The following WNK1 variants were observed in gnomAD, a reference collection of about 807,000 sequenced individuals.
WNK1 encodes serine/threonine-protein kinase WNK1.
In WNK1, 38 loss-of-function variants were observed where a neutral mutation model predicts 222.8. The ratio of observed to expected loss-of-function variants is 0.17; its 90% CI spans 0.13 to 0.22. The LOEUF (loss-of-function observed/expected upper bound fraction) is 0.22, where lower values mean the gene tolerates loss of function less well. Ranked by LOEUF, WNK1 falls within the 10% of genes least tolerant of loss-of-function variation. The pLI is 1.00. For synonymous variants in WNK1, 1,090 were observed against 1,092.9 expected (o/e 1.00, Z 0.05); for missense variants, 2,348 against 2,918.4 (o/e 0.80, Z 4.50).
intron 22 of WNK1, among the ~76,000 whole-genome samples, chr12:891,894 C>T (rs1434105496): frequency 6.6e-6 from 1 of 151,494 alleles, no homozygotes; most frequent in African/African-American, 2.4e-5. Flanking sequence ...TGCCACTGCA[C>T]TCCATCCTAG....
At chr12:854,696 A>G (rs1328559665) in intron 4 of WNK1, among the ~76,000 whole-genome samples, 1 of 152,164 alleles carries the variant, frequency 6.6e-6, no homozygotes, top group Admixed American at 6.6e-5. Flanking sequence ...TTATATGTTT[A>G]TTGTAGAAAA....
Position 868,039 on chromosome 12 carries a change from C to G in WNK1, c.2140-3226C>G, listed in dbSNP as rs767616683. On this transcript the variant is annotated intron_variant, in intron 8 of 27. Coordinates refer to ENST00000315939, the MANE Select transcript of WNK1 (RefSeq NM_018979.4). The stretch of plus-strand genomic sequence containing the variant: ...CCTCCTTCCTGGAAGCCCAAACTCA[C>G]CACTTCCAACCCCTGCTGAGGACTG... 1.8e-5 allele frequency: 29 copies of G among 1,613,882 alleles called. No homozygotes were observed. Among genetic ancestry groups the G allele is most frequent in the Non-Finnish European group, 2.3e-5 (27 of 1,179,896 alleles).
Position 764,821 on chromosome 12 carries a change from A to G in WNK1, c.759+10497A>G, listed in dbSNP as rs942763133. On this transcript the variant is annotated intron_variant, in intron 1 of 27. Transcript: ENST00000315939. ...CACTGGTAATGCCCTAGATTTCTGC[A>G]CTGTTCACTATCTAATACAATATCC... Among the ~76,000 whole-genome samples the G allele has an allele frequency of 5.4e-5, 8 of 147,346 alleles. 1 individual carries two copies. The highest frequency in any genetic ancestry group is 9.1e-5 in the Non-Finnish European group (6 of 65,898).
In WNK1 at chr12:909,275, TTTTA is replaced by T. The variant is rs144238789; in HGVS notation, c.*487_*490del. On this transcript the variant is annotated 3_prime_UTR_variant, in exon 28 of 28. Coordinates refer to ENST00000315939, the MANE Select transcript of WNK1 (RefSeq NM_018979.4). The stretch of plus-strand genomic sequence containing the variant: ...CCTCCCTTTTTTTTACCCCTCTCTT[TTTTA>T]TTTTTTCTTTGCTCTTTAGAACCCA... The T allele has an allele frequency of 8.6e-3, 1,449 of 167,542 alleles. 11 individuals are homozygous for T. The highest frequency in any genetic ancestry group is 0.012 in the Non-Finnish European group (898 of 76,614). The allele number at this position is 167,542 out of a possible 1,614,324, so 10.4% of individuals were successfully genotyped here. A position where few individuals can be genotyped will look rare whatever the true frequency, so the allele number is the denominator to read the frequency against.
At chr12:881,531 A>T in intron 12 of WNK1, 161 bp from the exon 13 acceptor site, 1 of 686,582 alleles carries the variant, frequency 1.5e-6, no homozygotes, top group Non-Finnish European at 2.6e-6. Flanking sequence ...TGGAATTTTA[A>T]GACCATTATC....
At chr12:851,836 A>T in intron 4 of WNK1, 2 of 1,242,156 alleles carry the variant, frequency 1.6e-6, no homozygotes, top group Non-Finnish European at 2.1e-6. Flanking sequence ...CTTTTTGGTG[A>T]TATTGGTAGA....
intron 1 of WNK1, among the ~76,000 whole-genome samples, chr12:799,936 C>T (rs1356945874): frequency 1.3e-5 from 2 of 151,710 alleles, no homozygotes; most frequent in Non-Finnish European, 2.9e-5. Flanking sequence ...CCACCTGCCT[C>T]GGCCTCCCAA....
In WNK1 at chr12:759,872, G is replaced by C. The variant is rs1457628506; in HGVS notation, c.759+5548G>C. 1.4e-5 allele frequency among the ~76,000 whole-genome samples: 2 copies of C among 148,034 alleles called. 1 individual carries two copies. The highest frequency in any genetic ancestry group is 3.0e-5 in the Non-Finnish European group (2 of 66,228). ...TTTTATAGAGTTGTGCTGATTAAAT[G>C]AATGAACATATATAAAACATGTAGG... On this transcript the variant is annotated intron_variant, in intron 1 of 27. Coordinates refer to ENST00000315939, the MANE Select transcript of WNK1 (RefSeq NM_018979.4).
At chr12:844,517 T>C (rs953780111) in intron 4 of WNK1, among the ~76,000 whole-genome samples, 1 of 152,156 alleles carries the variant, frequency 6.6e-6, no homozygotes, top group Non-Finnish European at 1.5e-5. Context: ...GTAAGTCCAT[T>C]GGAACTGTGC....
chr12:817,826 G>A (rs1168238639), intron 2 of WNK1, among the ~76,000 whole-genome samples: 1 of 76,832 alleles, frequency 1.3e-5, no homozygotes, highest in East Asian at 8.7e-4. Flanking sequence ...GATGGCGGGC[G>A]CCTGTAATCC....
rs1313144426 is a variant in WNK1, at chr12:816,529, C to T, written c.932+2715C>T. Among the ~76,000 whole-genome samples the T allele has an allele frequency of 1.3e-5, 2 of 152,056 alleles. 1 individual carries two copies. The highest frequency in any genetic ancestry group is 4.8e-5 in the African/African-American group (2 of 41,406). On this transcript the variant is annotated intron_variant, in intron 2 of 27. Transcript: ENST00000315939. The stretch of plus-strand genomic sequence containing the variant: ...TCCTGAGCTCATCCTGATTTGGCCT[C>T]ATCCCGATTTGACCTCCCAAACTGC...
chr12:835,965 A>T lies in WNK1; in HGVS notation c.1311+5805A>T, dbSNP rs536538522. Among the ~76,000 whole-genome samples, 38 of 152,192 alleles carry T rather than the reference A, an allele frequency of 2.5e-4. No homozygotes were observed. The South Asian group carries it at 7.7e-3, about 31-fold the overall frequency. On this transcript the variant is annotated intron_variant, in intron 4 of 27. Transcript: ENST00000315939. ...AGACTTGGTCTAAAAAAAAAAAAAAATTGATAACTCTATTAGAGTGATAAG... is the reference window on the plus strand; with the variant it reads ...AGACTTGGTCTAAAAAAAAAAAAAATTTGATAACTCTATTAGAGTGATAAG...
chr12:858,059 A>G (rs1386451061), intron 5 of WNK1, among the ~76,000 whole-genome samples: 2 of 152,204 alleles, frequency 1.3e-5, no homozygotes, highest in East Asian at 3.8e-4. Context: ...ATCGTTATTT[A>G]GAAGAGCTTA....
At chr12:829,457 C>T (rs1390552746) in intron 3 of WNK1, among the ~76,000 whole-genome samples, 2 of 152,082 alleles carry the variant, frequency 1.3e-5, no homozygotes, top group South Asian at 2.1e-4. Context: ...TATTGAATAT[C>T]GGGTTTTTCA....
intron 1 of WNK1, among the ~76,000 whole-genome samples, chr12:799,053 C>T (rs2153988811): frequency 6.6e-6 from 1 of 152,216 alleles, no homozygotes; most frequent in East Asian, 1.9e-4. Flanking sequence ...CAACCTTCCC[C>T]CCGTCCCCAA....
At chr12:831,553 T>A (rs1473518252) in intron 4 of WNK1, among the ~76,000 whole-genome samples, 1 of 151,044 alleles carries the variant, frequency 6.6e-6, no homozygotes, top group African/African-American at 2.4e-5. Flanking sequence ...AAAAAAAAAA[T>A]TCCTTTGTCT....
intron 1 of WNK1, among the ~76,000 whole-genome samples, chr12:801,754 A>T (rs908631859): frequency 6.6e-6 from 1 of 152,172 alleles, no homozygotes; most frequent in Non-Finnish European, 1.5e-5. Context: ...TCAGGAATGA[A>T]TGAAAGCTCC....
chr12:831,559 T>G (rs1221766743), intron 4 of WNK1, among the ~76,000 whole-genome samples: 1 of 151,850 alleles, frequency 6.6e-6, no homozygotes, highest in Non-Finnish European at 1.5e-5. Flanking sequence ...AAAATTCCTT[T>G]GTCTTCCATT....
chr12:821,046 T>G (rs1462042730), intron 2 of WNK1, among the ~76,000 whole-genome samples: 41 of 35,242 alleles, frequency 1.2e-3, no homozygotes, highest in Middle Eastern at 0.029. Context: ...TCTTGAGTTT[T>G]TTTTTTTTTT....
Sources: gnomAD v4.1 joint callset for allele counts (sites outside exome capture counted in the v4.1 genomes callset) on GRCh38, gnomAD v4.1.1 for gene constraint, MANE v1.5 for transcripts, NCBI Gene and HGNC (gene_info 2026-07-23, HGNC 2026-07-21) for gene names.